The following TRIM37 variants were observed in gnomAD, a reference collection of about 807,000 sequenced individuals.
TRIM37 encodes tripartite motif containing 37.
Under a neutral mutation model 129.8 loss-of-function variants are expected in TRIM37, and 80 were observed. That is an observed-to-expected ratio of 0.62 (90% CI 0.51 to 0.74). TRIM37 has a LOEUF of 0.74. Among genes scored for constraint, TRIM37 ranks in the 30% least tolerant of loss-of-function variants. The pLI is 0.00. For synonymous variants in TRIM37, 389 were observed against 387.1 expected, an observed-to-expected ratio of 1.00 and a Z score of -0.06; for missense variants, 1,054 against 1,176.5, an observed-to-expected ratio of 0.90 and a Z score of 1.52.
the TRIM37 span, chr17:58,969,417 CATT>C: frequency 1.1e-6 from 1 of 936,090 alleles, no homozygotes. Context: ...CATTTAGTCT[CATT>C]ATTCTGAATG....
chr17:59,000,366 A>G (rs2033541276), intron 23 of TRIM37, among the ~76,000 whole-genome samples: 1 of 152,208 alleles, frequency 6.6e-6, no homozygotes, highest in Non-Finnish European at 1.5e-5. Context: ...TTGGGAGGCC[A>G]AGGTGGGCAG....
Position 59,106,670 on chromosome 17 carries a change from C to G in TRIM37, c.-209G>C. The G allele has an allele frequency of 3.2e-6, 2 of 630,988 alleles. No individual in the cohort carries two copies. Among genetic ancestry groups the G allele is most frequent in the South Asian group, 3.7e-5 (2 of 54,130 alleles). 39.1% of individuals were successfully genotyped at this position (630,988 alleles called of 1,614,324 possible). A position where few individuals can be genotyped will look rare whatever the true frequency, so the allele number is the denominator to read the frequency against. On this transcript the variant is annotated 5_prime_UTR_variant, in exon 1 of 24. Coordinates refer to ENST00000262294, the MANE Select transcript of TRIM37 (RefSeq NM_015294.6). ...TCGCCATTTTTACCGGCGCGCCCGC[C>G]CCGAGGCGCAGAAGTAGGGCGAACG...
At chr17:59,059,982 A>G (rs564399915) in intron 12 of TRIM37, among the ~76,000 whole-genome samples, 4 of 152,188 alleles carry the variant, frequency 2.6e-5, no homozygotes, top group African/African-American at 9.6e-5. Context: ...TCTTTCCCCA[A>G]TCTCAGGTAG....
chr17:58,996,482 A>T (rs1479845583), downstream of TRIM37, among the ~76,000 whole-genome samples: 1 of 151,602 alleles, frequency 6.6e-6, no homozygotes, highest in East Asian at 1.9e-4. Flanking sequence ...AAAAAAAAAA[A>T]AAAAAATCAG....
chr17:59,073,053 A>G (rs893749710), intron 8 of TRIM37: 5 of 152,206 alleles, frequency 3.3e-5, no homozygotes, highest in Non-Finnish European at 7.3e-5. Context: ...ACATACACAC[A>G]TAATACAAAA....
chr17:59,039,577 C>T (rs550317722), intron 17 of TRIM37, among the ~76,000 whole-genome samples: 1 of 152,122 alleles, frequency 6.6e-6, no homozygotes, highest in African/African-American at 2.4e-5. Flanking sequence ...AATCTGCTGA[C>T]ATCGTGATCC....
chr17:59,077,537 G>T (rs916702957), intron 7 of TRIM37, among the ~76,000 whole-genome samples: 2 of 151,868 alleles, frequency 1.3e-5, no homozygotes, highest in Non-Finnish European at 2.9e-5. Context: ...AGAGGCCGGG[G>T]GTGGTGGCTC....
At chr17:58,977,915 G>A (rs1485523303), downstream of TRIM37, among the ~76,000 whole-genome samples, 1 of 152,104 alleles carries the variant, frequency 6.6e-6, no homozygotes, top group Non-Finnish European at 1.5e-5. Flanking sequence ...GCTAATTTTT[G>A]TATTTTTAGT....
intron 1 of TRIM37, 105 bp downstream of exon 1, chr17:59,106,336 G>A (rs895835578): frequency 2.8e-5 from 38 of 1,361,370 alleles, no homozygotes; most frequent in Non-Finnish European, 3.6e-5. Flanking sequence ...GCAGGGGCGG[G>A]GTAGGGGTGC....
the TRIM37 span, among the ~76,000 whole-genome samples, chr17:58,967,279 A>C: frequency 0.074 from 11,240 of 152,218 alleles, 932 homozygotes; most frequent in African/African-American, 0.21. Flanking sequence ...TTTGTTTGAC[A>C]TAAATGTTTT....
intron 21 of TRIM37, among the ~76,000 whole-genome samples, chr17:59,014,926 ATC>A (rs1180846608): frequency 6.6e-6 from 1 of 150,998 alleles, no homozygotes; most frequent in African/African-American, 2.4e-5. Context: ...AAAAAAAAAA[ATC>A]AGCTGGGCGT....
chr17:58,994,786 T>C (rs1047555834), downstream of TRIM37, among the ~76,000 whole-genome samples: 2 of 151,928 alleles, frequency 1.3e-5, no homozygotes, highest in Non-Finnish European at 2.9e-5. Context: ...TTCGCTCTTG[T>C]TGCCCAGGCT....
chr17:59,052,585 T>C (rs1371616295), intron 13 of TRIM37, among the ~76,000 whole-genome samples: 1 of 152,116 alleles, frequency 6.6e-6, no homozygotes, highest in Non-Finnish European at 1.5e-5. Flanking sequence ...TGGGATAGTC[T>C]TTATAGGTCA....
At chr17:59,086,608 G>A (rs934353626) in intron 4 of TRIM37, among the ~76,000 whole-genome samples, 2 of 152,044 alleles carry the variant, frequency 1.3e-5, no homozygotes, top group Non-Finnish European at 2.9e-5. Context: ...ACTTACATAA[G>A]TTTATATTTT....
intron 24 of TRIM37, among the ~76,000 whole-genome samples, chr17:58,991,904 C>T (rs550243546): frequency 6.6e-6 from 1 of 152,066 alleles, no homozygotes; most frequent in East Asian, 1.9e-4. Flanking sequence ...TGAGTGCTGA[C>T]ACCAACCACC....
intron 8 of TRIM37, 120 bp from the exon 9 acceptor site, chr17:59,071,067 A>C: frequency 3.5e-6 from 4 of 1,152,154 alleles, no homozygotes; most frequent in South Asian, 1.5e-5. Flanking sequence ...AAATAACTCA[A>C]AGTGAGCTTG....
chr17:58,973,371 C>T, the TRIM37 span, among the ~76,000 whole-genome samples: 1 of 149,810 alleles, frequency 6.7e-6, no homozygotes, highest in African/African-American at 2.5e-5. Flanking sequence ...TAGTGGAGAT[C>T]GCGCCATTGC....
chr17:59,056,888 T>C lies in TRIM37; in HGVS notation c.1186A>G (p.Thr396Ala). 2.5e-6 allele frequency: 4 copies of C among 1,613,806 alleles called. No homozygotes were observed. The highest frequency in any genetic ancestry group is 2.2e-5 in the South Asian group (2 of 91,070). ...TTTTCCTGTTACCTTAAAATCACTGTATCATTTTGTGGATTCAAGTATCCT... is the reference window on the plus strand; with the variant it reads ...TTTTCCTGTTACCTTAAAATCACTGCATCATTTTGTGGATTCAAGTATCCT... ...NEGYLNPQND[T>A]VILRFQVRSP... Residue 396 changes from threonine (T) to alanine (A), a missense_variant, in exon 13 of 24, where the codon ACA (threonine) becomes GCA (alanine). Around this residue, in one of 3 missense-constraint regions of TRIM37, gnomAD observed 752 missense variants for 870.8 expected, o/e 0.86. Transcript: ENST00000262294.
Position 59,064,326 on chromosome 17 carries a change from A to G in TRIM37, c.860+29T>C, listed in dbSNP as rs370704240. 7.4e-5 allele frequency: 117 copies of G among 1,571,758 alleles called. No homozygotes were observed. The African/African-American group carries it at 1.4e-3, about 18-fold the overall frequency. The stretch of plus-strand genomic sequence containing the variant: ...TGGCTCTTCCTTATATACACATACA[A>G]AAAAACCAGAATTGTCAAAAACTCT... On this transcript the variant is annotated intron_variant, in intron 10 of 23. Transcript: ENST00000262294.
Sources: gnomAD v4.1 joint callset for allele counts (sites outside exome capture counted in the v4.1 genomes callset) on GRCh38, gnomAD v4.1.1 for gene constraint, gnomAD v4.1.1 regional missense constraint, MANE v1.5 for transcripts, NCBI Gene and HGNC (gene_info 2026-07-23, HGNC 2026-07-21) for gene names.